Variants in CPLANE1 observed in about 807,000 individuals in gnomAD.
The protein encoded by CPLANE1 is ciliogenesis and planar polarity effector 1.
A neutral mutation model predicts 362.5 loss-of-function variants in CPLANE1; 263 were observed. The observed-to-expected ratio is 0.73, with a 90% CI of 0.66 to 0.80. The LOEUF (loss-of-function observed/expected upper bound fraction) is 0.80. Ranked by LOEUF, CPLANE1 falls within the 30% of genes least tolerant of loss-of-function variation. The pLI is 0.00. For synonymous variants in CPLANE1, 1,212 were observed against 1,302.6 expected (o/e 0.93, Z 1.50); for missense variants, 3,461 against 3,793.4 (o/e 0.91, Z 2.30).
chr5:37,217,140 C>G (rs1794256836), intron 15 of CPLANE1, among the ~76,000 whole-genome samples: 1 of 151,966 alleles, frequency 6.6e-6, no homozygotes. Context: ...TTTTTTTCTC[C>G]TGGGTAAAAC....
At chr5:37,149,106 T>A (rs1772679400) in intron 42 of CPLANE1, among the ~76,000 whole-genome samples, 1 of 152,054 alleles carries the variant, frequency 6.6e-6, no homozygotes, top group African/African-American at 2.4e-5. Flanking sequence ...GTATACAAAA[T>A]TAACATTATT....
Position 37,169,223 on chromosome 5 carries a change from G to C in CPLANE1, c.6801C>G (p.Phe2267Leu). The change falls in exon 34 of 53, where the codon TTC (phenylalanine) becomes TTG (leucine). Residue 2267 changes from phenylalanine (F) to leucine (L), a missense_variant. Coordinates refer to ENST00000651892, the MANE Select transcript of CPLANE1 (RefSeq NM_001384732.1). ...CTGCTCTCTGTGGCAGAGCAGGTTG[G>C]AAGGAGTCAGATAATCCCCAAGCCT... ...PREAWGLSDS[F>L]QPALPQRAAQ... is the part of the protein sequence containing the mutation. The C allele has an allele frequency of 6.2e-7, 1 of 1,614,190 alleles. No individual in the cohort carries two copies. Among genetic ancestry groups the C allele is most frequent in the Non-Finnish European group, 8.5e-7 (1 of 1,180,020 alleles).
chr5:37,223,500 T>A (rs79542695), intron 14 of CPLANE1, among the ~76,000 whole-genome samples: 2 of 152,184 alleles, frequency 1.3e-5, no homozygotes, highest in Non-Finnish European at 1.5e-5. Flanking sequence ...TAATGAAATA[T>A]ACAAAGCCAC....
intron 47 of CPLANE1, among the ~76,000 whole-genome samples, 155 bp from the exon 48 acceptor site, chr5:37,122,643 A>T (rs1762981798): frequency 6.6e-6 from 1 of 152,240 alleles, no homozygotes; most frequent in African/African-American, 2.4e-5. Context: ...AAATTAAAAC[A>T]TCATGTAATT....
At position 37,243,033 on chromosome 5, in the gene CPLANE1, C is replaced by A. The variant is rs777375643; in HGVS notation, c.657G>T (p.Glu219Asp). Residue 219 changes from glutamate (E) to aspartate (D), a missense_variant, in exon 6 of 53, where the codon GAG becomes GAT. By Grantham distance (45) the Glu-to-Asp change is conservative. This residue lies in a region of CPLANE1 where 3,380 missense variants were observed against 3,666.1 expected (regional missense o/e 0.92). Transcript: ENST00000651892. ...KLTFLAIRWH[E>D]NVFTSVRSLP... ...CTCACCTTACAGATGTAAATACATT[C>A]TCATGCCACCGAATTGCTAGAAATG... 27 of 1,544,352 alleles carry A rather than the reference C, an allele frequency of 1.7e-5. No homozygotes were observed. The South Asian group carries it at 2.3e-4, about 13-fold the overall frequency.
chr5:37,206,175 A>G, intron 17 of CPLANE1, 22 bp downstream of exon 17: 2 of 1,443,994 alleles, frequency 1.4e-6, no homozygotes, highest in Non-Finnish European at 1.9e-6. Flanking sequence ...ACTATATCTT[A>G]AAATTGCCTA....
chr5:37,244,351 A>G (rs1738770736), intron 5 of CPLANE1, 24 bp downstream of exon 5: 2 of 1,492,128 alleles, frequency 1.3e-6, no homozygotes, highest in South Asian at 2.5e-5. Context: ...TGCTTCACAG[A>G]TAAGAGTCTG....
chr5:37,132,200 A>T (rs1014235759), intron 46 of CPLANE1, among the ~76,000 whole-genome samples: 2 of 152,134 alleles, frequency 1.3e-5, no homozygotes, highest in South Asian at 4.1e-4. Flanking sequence ...TAATAGAAAA[A>T]TATTGTTACC....
chr5:37,166,972 T>C, intron 35 of CPLANE1, 75 bp downstream of exon 35: 1 of 1,216,568 alleles, frequency 8.2e-7, no homozygotes, highest in Non-Finnish European at 1.2e-6. Flanking sequence ...CTGAACCAGA[T>C]TACTGTGTGA....
At chr5:37,129,463 C>T (rs1765155593) in intron 46 of CPLANE1, among the ~76,000 whole-genome samples, 1 of 152,084 alleles carries the variant, frequency 6.6e-6, no homozygotes, top group Non-Finnish European at 1.5e-5. Flanking sequence ...AGTAAACAGA[C>T]AACCCAGAGT....
intron 43 of CPLANE1, among the ~76,000 whole-genome samples, chr5:37,144,397 T>TAAAAA: frequency 1.5e-5 from 1 of 67,536 alleles, no homozygotes; most frequent in Non-Finnish European, 2.9e-5. Context: ...AGACTTTGTC[T>TAAAAA]AAAAAAAAAA....
At chr5:37,140,732 A>G (rs1054617535) in intron 44 of CPLANE1, 1 of 985,486 alleles carries the variant, frequency 1.0e-6, no homozygotes, top group Non-Finnish European at 1.2e-6. Flanking sequence ...TTTGTCATCA[A>G]AGGTTGGTAA....
At chr5:37,190,973 T>G (rs879814610) in intron 21 of CPLANE1, among the ~76,000 whole-genome samples, 24 of 152,188 alleles carry the variant, frequency 1.6e-4, no homozygotes, top group Non-Finnish European at 2.9e-4. Context: ...TAGCGTATAC[T>G]CTTACTTATT....
chr5:37,115,168 T>C, intron 50 of CPLANE1, 119 bp from the exon 51 acceptor site: 1 of 706,054 alleles, frequency 1.4e-6, no homozygotes, highest in Admixed American at 2.4e-5. Flanking sequence ...CACCAAGCCC[T>C]GTTCACAGTA....
rs542397312 is a variant in CPLANE1, at chr5:37,208,444, G to A, written c.2921-2019C>T. On this transcript the variant is annotated intron_variant, in intron 16 of 52. Coordinates refer to ENST00000651892, the MANE Select transcript of CPLANE1 (RefSeq NM_001384732.1). The stretch of plus-strand genomic sequence containing the variant: ...TGTAATCCCAGCACTTTGGGAGGCC[G>A]AGGTGAGCGGATCAGGAGGTCAGGA... Among the ~76,000 whole-genome samples the A allele has an allele frequency of 3.4e-3, 519 of 152,346 alleles. 2 individuals carry two copies. The highest frequency in any genetic ancestry group is 0.012 in the African/African-American group (499 of 41,582).
chr5:37,177,472 C>G, intron 30 of CPLANE1, 149 bp downstream of exon 30: 1 of 627,312 alleles, frequency 1.6e-6, no homozygotes, highest in Non-Finnish European at 2.8e-6. Flanking sequence ...TACCAAAAAT[C>G]ATTTTACCAT....
At chr5:37,117,396 G>A (rs550628142) in intron 50 of CPLANE1, among the ~76,000 whole-genome samples, 51 of 150,376 alleles carry the variant, frequency 3.4e-4, no homozygotes, top group Non-Finnish European at 5.6e-4. Flanking sequence ...AGGGTTCAAA[G>A]GACAGAAAAA....
chr5:37,232,537 A>AG (rs1797946220), intron 8 of CPLANE1, among the ~76,000 whole-genome samples: 1 of 151,402 alleles, frequency 6.6e-6, no homozygotes, highest in African/African-American at 2.4e-5. Context: ...AAAAAAAAAA[A>AG]AAAGACTAGG....
intron 16 of CPLANE1, chr5:37,211,658 T>TCCTTATC: frequency 1.2e-6 from 1 of 801,640 alleles, no homozygotes; most frequent in East Asian, 2.4e-5. Context: ...CTTCCCCCAG[T>TCCTTATC]CCTTATCCTG....
Sources: gnomAD v4.1 joint callset for allele counts (sites outside exome capture counted in the v4.1 genomes callset) on GRCh38, gnomAD v4.1.1 for gene constraint, gnomAD v4.1.1 regional missense constraint, MANE v1.5 for transcripts, NCBI Gene and HGNC (gene_info 2026-07-23, HGNC 2026-07-21) for gene names.